SLIT3: variants seen among roughly 807,000 people sequenced by gnomAD.
The protein encoded by SLIT3 is slit guidance ligand 3.
A neutral mutation model predicts 184.0 loss-of-function variants in SLIT3; 68 were observed. The observed-to-expected ratio is 0.37, with a 90% CI of 0.30 to 0.45. The LOEUF (loss-of-function observed/expected upper bound fraction) is 0.45, where lower values mean the gene tolerates loss of function less well. Among genes scored for constraint, SLIT3 ranks in the 20% least tolerant of loss-of-function variants. The pLI is 1.00. For synonymous variants in SLIT3, 831 were observed against 828.6 expected, an observed-to-expected ratio of 1.00 and a Z score of -0.05; for missense variants, 1,707 against 2,026.0, an observed-to-expected ratio of 0.84 and a Z score of 3.02.
chr5:169,246,332 G>C (rs1485397773), intron 2 of SLIT3, among the ~76,000 whole-genome samples: 1 of 152,146 alleles, frequency 6.6e-6, no homozygotes, highest in Non-Finnish European at 1.5e-5. Flanking sequence ...AACGATTGAA[G>C]GGAGAGGCTA....
chr5:169,039,342 A>T lies in SLIT3; in HGVS notation c.413+154137T>A, dbSNP rs571398027. Among the ~76,000 whole-genome samples, 3 of 139,420 alleles carry T rather than the reference A, an allele frequency of 2.2e-5. No homozygotes were observed. The South Asian group carries it at 6.7e-4, about 31-fold the overall frequency. The allele number at this position is 139,420 out of a possible 152,430, so 91.5% of individuals were successfully genotyped here. On this transcript the variant is annotated intron_variant, in intron 4 of 35. Transcript: ENST00000519560. ...GTTTTTTTTTTTTTTTTTGAGATGC[A>T]GTCTTGTTCTGTCGCCCAGGCTGGA...
intron 6 of SLIT3, among the ~76,000 whole-genome samples, chr5:168,832,526 T>C: frequency 6.6e-6 from 1 of 152,238 alleles, no homozygotes; most frequent in East Asian, 1.9e-4. Context: ...TGGCATCTTT[T>C]GATACAAATA....
At chr5:168,845,393 G>A (rs1458633912) in intron 5 of SLIT3, among the ~76,000 whole-genome samples, 2 of 152,132 alleles carry the variant, frequency 1.3e-5, no homozygotes, top group Non-Finnish European at 2.9e-5. Context: ...TGATGGAAGC[G>A]TTCATGAAGA....
At chr5:169,183,770 G>A (rs1263112830) in intron 4 of SLIT3, among the ~76,000 whole-genome samples, 1 of 152,208 alleles carries the variant, frequency 6.6e-6, no homozygotes, top group Non-Finnish European at 1.5e-5. Context: ...TTTGTGGGAT[G>A]TTTCACATTC....
Position 168,772,803 on chromosome 5 carries a change from C to T in SLIT3, c.1437G>A (p.Lys479=). The T allele has an allele frequency of 6.2e-7, 1 of 1,614,180 alleles. No individual in the cohort carries two copies. Among genetic ancestry groups the T allele is most frequent in the Non-Finnish European group, 8.5e-7 (1 of 1,180,042 alleles). ...TACCTGAGCAGCGGAACTTCTTGCT[C>T]TTGATCTGGCTGATGCGCTTGTTGG... ...RLANKRISQI[K]SKKFRCSGSE... The change falls in exon 14 of 36, where the codon AAG becomes AAA. Residue 479 remains lysine (K), a synonymous_variant. Transcript: ENST00000519560.
At chr5:168,874,880 G>A (rs1759673508) in intron 5 of SLIT3, among the ~76,000 whole-genome samples, 1 of 152,200 alleles carries the variant, frequency 6.6e-6, no homozygotes, top group African/African-American at 2.4e-5. Context: ...GTGCCCTGGG[G>A]CGTGCTTATC....
At chr5:168,974,358 A>T (rs1223779153) in intron 4 of SLIT3, among the ~76,000 whole-genome samples, 1 of 152,202 alleles carries the variant, frequency 6.6e-6, no homozygotes, top group Non-Finnish European at 1.5e-5. Context: ...TTCCAGTTCA[A>T]ACTAGATTGT....
chr5:168,820,930 C>T (rs1371478917), intron 7 of SLIT3, among the ~76,000 whole-genome samples: 1 of 152,110 alleles, frequency 6.6e-6, no homozygotes, highest in Non-Finnish European at 1.5e-5. Context: ...TCCTCTTCCC[C>T]GCTTCTCCAC....
chr5:168,960,166 C>T (rs1561574986), intron 4 of SLIT3, among the ~76,000 whole-genome samples: 1 of 152,162 alleles, frequency 6.6e-6, no homozygotes, highest in African/African-American at 2.4e-5. Context: ...AGGGCAGGGG[C>T]CATGTCTTAC....
intron 29 of SLIT3, among the ~76,000 whole-genome samples, chr5:168,690,080 TCTC>T (rs1318809420): frequency 6.6e-6 from 1 of 151,738 alleles, no homozygotes; most frequent in East Asian, 1.9e-4. Context: ...CAGTGTTAGC[TCTC>T]CAGCACTCCA....
intron 16 of SLIT3, 73 bp downstream of exon 16, chr5:168,760,789 G>T (rs1241995358): frequency 8.9e-7 from 1 of 1,122,204 alleles, no homozygotes; most frequent in Non-Finnish European, 1.4e-6. Flanking sequence ...CCGGTCCCCT[G>T]GTTCCTCTAG....
intron 4 of SLIT3, among the ~76,000 whole-genome samples, chr5:168,902,428 G>A (rs1297510971): frequency 6.6e-6 from 1 of 152,216 alleles, no homozygotes; most frequent in African/African-American, 2.4e-5. Flanking sequence ...ATGTTTGTAT[G>A]ATGGGAATAT....
chr5:169,037,692 C>G (rs1258126528), intron 4 of SLIT3: 1 of 152,254 alleles, frequency 6.6e-6, no homozygotes, highest in Non-Finnish European at 1.5e-5. Context: ...CTCTCGCTCA[C>G]CGGGAGATTA....
intron 31 of SLIT3, among the ~76,000 whole-genome samples, chr5:168,685,079 A>G (rs1204491357): frequency 6.6e-6 from 1 of 152,032 alleles, no homozygotes; most frequent in Non-Finnish European, 1.5e-5. Context: ...GCCTCCCAAT[A>G]GCTGGGATTA....
chr5:168,746,389 T>A (rs1224083748), intron 20 of SLIT3, among the ~76,000 whole-genome samples: 7 of 68,960 alleles, frequency 1.0e-4, no homozygotes, highest in Admixed American at 1.8e-4. Flanking sequence ...GTGGTGTGGG[T>A]GTGTGGTGTC....
intron 4 of SLIT3, among the ~76,000 whole-genome samples, chr5:169,070,980 A>T (rs1016342626): frequency 3.3e-5 from 5 of 152,224 alleles, no homozygotes; most frequent in African/African-American, 1.2e-4. Flanking sequence ...CCTTGGAGAC[A>T]GAATACTGAC....
In SLIT3 at chr5:168,666,356, C is replaced by G; in HGVS notation, c.*98G>C. 2 of 1,188,934 alleles carry G rather than the reference C, an allele frequency of 1.7e-6. No homozygotes were observed. Among genetic ancestry groups the G allele is most frequent in the Non-Finnish European group, 2.3e-6 (2 of 886,378 alleles). 73.6% of individuals were successfully genotyped at this position (1,188,934 alleles called of 1,614,324 possible). ...TCTTCTTCTTTACCTTCCTCTCCAG[C>G]TTCATTTCCTTCATGCTGAATCACC... On this transcript the variant is annotated 3_prime_UTR_variant, in exon 36 of 36. Transcript: ENST00000519560.
chr5:168,979,135 C>T (rs1428596481), intron 4 of SLIT3, among the ~76,000 whole-genome samples: 1 of 152,210 alleles, frequency 6.6e-6, no homozygotes, highest in Non-Finnish European at 1.5e-5. Context: ...GAAAACTGGA[C>T]TCTCCTCTTT....
chr5:169,236,462 A>G (rs1765203523), intron 3 of SLIT3, among the ~76,000 whole-genome samples: 1 of 141,670 alleles, frequency 7.1e-6, no homozygotes, highest in African/African-American at 2.7e-5. Context: ...ACAGAGCAAG[A>G]AAAGTGTTTT....
Sources: allele counts gnomAD v4.1 joint callset (sites outside exome capture counted in the v4.1 genomes callset), GRCh38; gene constraint gnomAD v4.1.1; transcripts MANE v1.5; gene names NCBI Gene and HGNC (gene_info 2026-07-23, HGNC 2026-07-21).